Variants in MGAT4C observed in about 807,000 individuals in gnomAD.
The protein encoded by MGAT4C is MGAT4 family member C, also known as alpha-1,3-mannosyl-glycoprotein 4-beta-N-acetylglucosaminyltransferase C.
A neutral mutation model predicts 40.1 loss-of-function variants in MGAT4C; 19 were observed. The observed-to-expected ratio is 0.47, with a 90% CI of 0.33 to 0.70. MGAT4C has a LOEUF of 0.70. Ranked by LOEUF, MGAT4C falls within the 30% of genes least tolerant of loss-of-function variation. MGAT4C has a pLI of 0.02. For synonymous variants in MGAT4C, 181 were observed against 187.1 expected, an observed-to-expected ratio of 0.97 and a Z score of 0.27; for missense variants, 491 against 563.2, an observed-to-expected ratio of 0.87 and a Z score of 1.30.
intron 2 of MGAT4C, among the ~76,000 whole-genome samples, chr12:86,498,806 G>T (rs769020543): frequency 1.4e-4 from 22 of 151,872 alleles, no homozygotes; most frequent in Non-Finnish European, 2.9e-4. Flanking sequence ...CATGATTCTT[G>T]TGTATTTTTT....
In MGAT4C at chr12:85,966,620, T is replaced by C. The variant is rs1883380762; in HGVS notation, c.*12669A>G. On this transcript the variant is annotated 3_prime_UTR_variant, in exon 5 of 5. Transcript: ENST00000611864. ...CACACGTATGTTTATTGCGGCACTA[T>C]TCACAATAGCAAAGACTTGGAACCA... 1 of 152,094 alleles carries C rather than the reference T, an allele frequency of 6.6e-6. No individual in the cohort carries two copies. The highest frequency in any genetic ancestry group is 1.5e-5 in the Non-Finnish European group (1 of 68,022). The allele number at this position is 152,094 out of a possible 1,614,324, so 9.4% of individuals were successfully genotyped here.
intron 2 of MGAT4C, among the ~76,000 whole-genome samples, chr12:86,436,356 T>C (rs1433129470): frequency 6.6e-6 from 1 of 151,802 alleles, no homozygotes; most frequent in Admixed American, 6.6e-5. Flanking sequence ...GATTATAGGC[T>C]GATATATGCT....
chr12:86,323,491 T>A (rs573436746), intron 4 of MGAT4C, among the ~76,000 whole-genome samples: 1 of 151,802 alleles, frequency 6.6e-6, no homozygotes, highest in East Asian at 1.9e-4. Flanking sequence ...TATTTTTCAA[T>A]ATGCAGAAGG....
intron 1 of MGAT4C, among the ~76,000 whole-genome samples, chr12:86,170,245 G>A (rs892573217): frequency 6.6e-6 from 1 of 152,180 alleles, no homozygotes; most frequent in African/African-American, 2.4e-5. Context: ...CATGCTATGA[G>A]AATCCTCATG....
At chr12:86,517,883 C>CG (rs1958724029) in intron 2 of MGAT4C, among the ~76,000 whole-genome samples, 1 of 152,082 alleles carries the variant, frequency 6.6e-6, no homozygotes, top group Non-Finnish European at 1.5e-5. Context: ...CTCCTGACCT[C>CG]GTGATCTGCC....
chr12:86,493,282 C>T (rs1337251900), intron 2 of MGAT4C, among the ~76,000 whole-genome samples: 5 of 151,742 alleles, frequency 3.3e-5, no homozygotes, highest in Admixed American at 6.6e-5. Flanking sequence ...TTTGACCCAG[C>T]TATCCCATTA....
chr12:86,197,812 C>T (rs1211350034), intron 1 of MGAT4C, among the ~76,000 whole-genome samples: 1 of 152,172 alleles, frequency 6.6e-6, no homozygotes, highest in African/African-American at 2.4e-5. Flanking sequence ...TATTCTTACA[C>T]AGGCAAGACA....
intron 2 of MGAT4C, among the ~76,000 whole-genome samples, chr12:86,494,200 A>G (rs965135194): frequency 2.6e-5 from 4 of 151,986 alleles, no homozygotes; most frequent in African/African-American, 9.7e-5. Context: ...CCATTCTTGA[A>G]TATGTCTTTG....
chr12:85,979,849 G>A lies in MGAT4C; in HGVS notation c.877C>T (p.Arg293Cys), dbSNP rs771884299. The change falls in exon 5 of 5, where the codon CGT becomes TGT. Residue 293 changes from arginine to cysteine, a missense_variant. Coordinates refer to ENST00000611864, the MANE Select transcript of MGAT4C (RefSeq NM_001351288.2). ...ACATTTTTCTGAGCCAACAGACCAC[G>A]GAAATGAGTCAATAGCCAATCACAA... ...MPCDWLLTHFRGLLAQKNVIR... is the reference protein window; with the variant it reads ...MPCDWLLTHFCGLLAQKNVIR... 2 of 1,613,644 alleles carry A rather than the reference G, an allele frequency of 1.2e-6. No homozygotes were observed. The highest frequency in any genetic ancestry group is 2.2e-5 in the East Asian group (1 of 44,858).
chr12:85,993,308 G>A (rs748647563), intron 2 of MGAT4C, among the ~76,000 whole-genome samples: 8 of 152,220 alleles, frequency 5.3e-5, no homozygotes, highest in Non-Finnish European at 1.0e-4. Flanking sequence ...CAGGGATGGG[G>A]AGGAGTTGGA....
chr12:86,613,855 G>A (rs1962362288), intron 2 of MGAT4C, among the ~76,000 whole-genome samples: 1 of 152,000 alleles, frequency 6.6e-6, no homozygotes. Context: ...AAAACAGGAA[G>A]TACATTTAAA....
At chr12:86,512,041 C>T (rs1372512668) in intron 2 of MGAT4C, among the ~76,000 whole-genome samples, 2 of 151,750 alleles carry the variant, frequency 1.3e-5, no homozygotes, top group African/African-American at 2.4e-5. Context: ...ACCTACAATG[C>T]AATCGCAGAA....
chr12:86,212,509 GT>G (rs1195645178), intron 1 of MGAT4C, among the ~76,000 whole-genome samples: 1 of 151,832 alleles, frequency 6.6e-6, no homozygotes, highest in African/African-American at 2.4e-5. Flanking sequence ...TTATCATCAC[GT>G]AATTGATACT....
chr12:86,354,206 A>G (rs1955252047), intron 3 of MGAT4C, among the ~76,000 whole-genome samples: 1 of 152,200 alleles, frequency 6.6e-6, no homozygotes. Context: ...CATATCATTC[A>G]GTCTGAACCT....
At chr12:86,016,761 T>C (rs1161905700) in intron 2 of MGAT4C, among the ~76,000 whole-genome samples, 1 of 152,210 alleles carries the variant, frequency 6.6e-6, no homozygotes, top group East Asian at 1.9e-4. Context: ...TGTAAATTTT[T>C]TTTTTTGGTA....
chr12:86,567,712 A>C (rs990490340), intron 2 of MGAT4C, among the ~76,000 whole-genome samples: 2 of 152,158 alleles, frequency 1.3e-5, no homozygotes, highest in Non-Finnish European at 1.5e-5. Flanking sequence ...TGGGTAGAAG[A>C]AGGTGGTCAT....
intron 2 of MGAT4C, among the ~76,000 whole-genome samples, chr12:86,551,522 C>T (rs987388099): frequency 6.6e-6 from 1 of 152,212 alleles, no homozygotes; most frequent in Non-Finnish European, 1.5e-5. Context: ...CTGGTTGAAA[C>T]ACCCCCACAT....
At chr12:86,201,360 A>C (rs1318919174) in intron 1 of MGAT4C, among the ~76,000 whole-genome samples, 1 of 151,616 alleles carries the variant, frequency 6.6e-6, no homozygotes, top group Non-Finnish European at 1.5e-5. Flanking sequence ...CCATTGTTCT[A>C]CTTGTTTATT....
intron 1 of MGAT4C, among the ~76,000 whole-genome samples, chr12:86,804,483 T>C (rs1438984857): frequency 6.6e-6 from 1 of 151,838 alleles, no homozygotes; most frequent in Non-Finnish European, 1.5e-5. Flanking sequence ...ATTTTTCTTT[T>C]ATGAATTAGC....
Sources: allele counts gnomAD v4.1 joint callset (sites outside exome capture counted in the v4.1 genomes callset), GRCh38; gene constraint gnomAD v4.1.1; transcripts MANE v1.5; gene names NCBI Gene and HGNC (gene_info 2026-07-23, HGNC 2026-07-21).